The following SDK1 variants were observed in gnomAD, a reference collection of about 807,000 sequenced individuals.
The protein encoded by SDK1 is sidekick cell adhesion molecule 1.
In SDK1, 157 loss-of-function variants were observed where a neutral mutation model predicts 245.5. That is an observed-to-expected ratio of 0.64 (90% CI 0.56 to 0.73). SDK1 has a LOEUF of 0.73. SDK1 is among the 30% of genes least tolerant of loss of function. SDK1 has a pLI of 0.00. For synonymous variants in SDK1, 1,647 were observed against 1,278.5 expected (o/e 1.29, Z -6.15); for missense variants, 3,583 against 3,002.3 (o/e 1.19, Z -4.52).
chr7:3,719,035 T>A (rs1237126887), intron 4 of SDK1, among the ~76,000 whole-genome samples: 2 of 152,204 alleles, frequency 1.3e-5, no homozygotes, highest in African/African-American at 4.8e-5. Flanking sequence ...TGTTCCTTGC[T>A]TTTCATCCTA....
At chr7:4,141,091 C>G (rs140159178) in intron 28 of SDK1, among the ~76,000 whole-genome samples, 81 of 152,320 alleles carry the variant, frequency 5.3e-4, no homozygotes, top group African/African-American at 1.6e-3. Context: ...GGACCACACA[C>G]GAAAAACAAT....
Position 3,368,183 on chromosome 7 carries a change from A to C in SDK1, c.298+66299A>C, listed in dbSNP as rs553710016. On this transcript the variant is annotated intron_variant, in intron 1 of 44. Transcript: ENST00000404826. The stretch of plus-strand genomic sequence containing the variant: ...GGAAATCTGAAACCAATAACGTGTA[A>C]AATTGAGTTAAATATTGTTGAGCCA... 2.6e-5 allele frequency among the ~76,000 whole-genome samples: 4 copies of C among 152,324 alleles called. No individual in the cohort carries two copies. In the South Asian group the frequency reaches 6.2e-4, roughly 24 times the overall value.
intron 20 of SDK1, among the ~76,000 whole-genome samples, 198 bp downstream of exon 20, chr7:4,068,134 C>G (rs10270404): frequency 0.33 from 49,709 of 152,032 alleles, 13,007 homozygotes; most frequent in African/African-American, 0.73. Flanking sequence ...TGGTCTGGGG[C>G]CCTTTACTGT....
chr7:4,172,813 C>T (rs139153781), intron 32 of SDK1, among the ~76,000 whole-genome samples: 154 of 152,314 alleles, frequency 1.0e-3, no homozygotes, highest in African/African-American at 3.6e-3. Flanking sequence ...CAGTCTCTGT[C>T]CCTGTCTTCA....
At chr7:3,810,375 G>A (rs1002826431) in intron 4 of SDK1, among the ~76,000 whole-genome samples, 1 of 151,772 alleles carries the variant, frequency 6.6e-6, no homozygotes, top group Non-Finnish European at 1.5e-5. Context: ...AGCAGAAAAA[G>A]TCTTGGCTGG....
intron 22 of SDK1, among the ~76,000 whole-genome samples, chr7:4,106,191 A>T (rs552191963): frequency 6.6e-6 from 1 of 152,272 alleles, no homozygotes; most frequent in African/African-American, 2.4e-5. Flanking sequence ...GGGTCATCTC[A>T]TGGAGAATGG....
At chr7:3,843,702 A>C (rs1176575216) in intron 5 of SDK1, among the ~76,000 whole-genome samples, 1 of 152,244 alleles carries the variant, frequency 6.6e-6, no homozygotes, top group Non-Finnish European at 1.5e-5. Context: ...TCTGTTTCAT[A>C]GGAAACTCGC....
intron 5 of SDK1, among the ~76,000 whole-genome samples, chr7:3,921,686 C>T (rs922779847): frequency 2.0e-5 from 3 of 152,156 alleles, no homozygotes; most frequent in African/African-American, 7.2e-5. Flanking sequence ...ACTCCCCGGG[C>T]CAGGCACGGT....
At chr7:4,081,163 A>G (rs1056711382) in intron 22 of SDK1, among the ~76,000 whole-genome samples, 2 of 152,190 alleles carry the variant, frequency 1.3e-5, no homozygotes, top group Non-Finnish European at 2.9e-5. Context: ...GGCCACAGCG[A>G]CAGAAACGCC....
At chr7:3,881,342 G>C (rs1295658150) in intron 5 of SDK1, among the ~76,000 whole-genome samples, 1 of 152,186 alleles carries the variant, frequency 6.6e-6, no homozygotes, top group Admixed American at 6.5e-5. Context: ...TTAGAAGTGA[G>C]AACATGAAGT....
At chr7:3,723,979 A>C (rs868835961) in intron 4 of SDK1, among the ~76,000 whole-genome samples, 1 of 110,496 alleles carries the variant, frequency 9.1e-6, no homozygotes, top group African/African-American at 3.4e-5. Flanking sequence ...GAGAGAGAGA[A>C]AGAGAGAGAG....
chr7:3,535,981 A>T (rs1339473989), intron 1 of SDK1, among the ~76,000 whole-genome samples: 1 of 152,120 alleles, frequency 6.6e-6, no homozygotes, highest in Non-Finnish European at 1.5e-5. Context: ...TAAATTAATA[A>T]GAAATTTAAG....
chr7:3,380,463 C>T (rs952930514), intron 1 of SDK1, among the ~76,000 whole-genome samples: 24 of 152,190 alleles, frequency 1.6e-4, no homozygotes, highest in Admixed American at 1.4e-3. Flanking sequence ...GAAGTGTCTG[C>T]AGAATAGCAC....
intron 27 of SDK1, 124 bp downstream of exon 27, chr7:4,130,221 G>C: frequency 8.8e-7 from 1 of 1,133,766 alleles, no homozygotes; most frequent in Admixed American, 3.0e-5. Context: ...TGCAGTTGAG[G>C]GAAACAAAAC....
intron 5 of SDK1, among the ~76,000 whole-genome samples, chr7:3,939,830 C>G (rs1246940831): frequency 6.6e-6 from 1 of 152,196 alleles, no homozygotes; most frequent in Non-Finnish European, 1.5e-5. Flanking sequence ...GCTCTTAATT[C>G]CTTTGCTAGG....
At chr7:4,054,290 T>C (rs76431993) in intron 19 of SDK1, among the ~76,000 whole-genome samples, 8,098 of 152,222 alleles carry the variant, frequency 0.053, 443 homozygotes, top group African/African-American at 0.13. Context: ...TATGCAATTA[T>C]ATGAAATAAT....
intron 4 of SDK1, among the ~76,000 whole-genome samples, chr7:3,674,330 T>C (rs1783820903): frequency 6.6e-6 from 1 of 151,990 alleles, no homozygotes; most frequent in Non-Finnish European, 1.5e-5. Context: ...AAGGAGGGCA[T>C]CTACCCCACG....
chr7:4,108,892 A>T (rs1048375048), intron 22 of SDK1, among the ~76,000 whole-genome samples: 3 of 152,140 alleles, frequency 2.0e-5, no homozygotes, highest in African/African-American at 7.2e-5. Flanking sequence ...GGATGGAAAG[A>T]TCCTGGACAT....
In SDK1 at chr7:3,975,613, C is replaced by T. The variant is rs192231090; in HGVS notation, c.1994+1068C>T. On this transcript the variant is annotated intron_variant, in intron 13 of 44. Transcript: ENST00000404826. ...GCATGTGGCTTCTGTGTCTGCCACA[C>T]GCATGTGGAAATGAGTGAACTCACA... Among the ~76,000 whole-genome samples the T allele has an allele frequency of 4.3e-4, 66 of 152,296 alleles. 2 individuals carry two copies. The South Asian group carries it at 0.011, about 25-fold the overall frequency.
Sources: allele counts gnomAD v4.1 joint callset (sites outside exome capture counted in the v4.1 genomes callset), GRCh38; gene constraint gnomAD v4.1.1; transcripts MANE v1.5; gene names NCBI Gene and HGNC (gene_info 2026-07-23, HGNC 2026-07-21).